Variants in SELENOF observed in about 807,000 individuals in gnomAD.
The protein encoded by SELENOF is 15 kDa selenoprotein.
In SELENOF, 16 loss-of-function variants were observed where a neutral mutation model predicts 20.5. The observed-to-expected ratio is 0.78, with a 90% CI of 0.53 to 1.19. SELENOF has a LOEUF of 1.19. Among genes scored for constraint, SELENOF ranks in the 50% most tolerant of loss-of-function variants. The pLI is 0.00. For synonymous variants in SELENOF, 78 were observed against 74.5 expected, an observed-to-expected ratio of 1.05 and a Z score of -0.24; for missense variants, 215 against 194.2, an observed-to-expected ratio of 1.11 and a Z score of -0.64.
chr1:86,899,409 A>G (rs1300999374), intron 2 of SELENOF, among the ~76,000 whole-genome samples: 18 of 106,760 alleles, frequency 1.7e-4, no homozygotes, highest in African/African-American at 3.8e-4. Flanking sequence ...CTGGCCGGGC[A>G]GGGGGCCGAC....
chr1:86,863,687 C>T lies in SELENOF; in HGVS notation c.367-82G>A, dbSNP rs368044424. On this transcript the variant is annotated intron_variant, in intron 4 of 4. Transcript: ENST00000331835. ...TCATCTAAGACAAAGCAATTCAATC[C>T]AGTTTAAATTTAGTAATTAAAAAAA... The T allele has an allele frequency of 1.5e-5, 19 of 1,260,640 alleles. No homozygotes were observed. The African/African-American group carries it at 2.6e-4, about 17-fold the overall frequency. 78.1% of individuals were successfully genotyped at this position (1,260,640 alleles called of 1,614,324 possible). A position where few individuals can be genotyped will look rare whatever the true frequency, so the allele number is the denominator to read the frequency against.
chr1:86,863,602 CATACTACAAAA>C lies in SELENOF; in HGVS notation c.367-8_369del. 1 of 1,612,256 alleles carries C rather than the reference CATACTACAAAA, an allele frequency of 6.2e-7. No individual in the cohort carries two copies. The highest frequency in any genetic ancestry group is 8.5e-7 in the Non-Finnish European group (1 of 1,179,372). ...TTTAATACAGGGTCTGAACCACGGA[CATACTACAAAA>C]AAGAGGGACGTCATCATTACTTTCT... is the stretch of plus-strand genomic sequence containing the variant. On this transcript the variant is annotated splice_acceptor_variant and splice_polypyrimidine_tract_variant and coding_sequence_variant and intron_variant, in exon 5 of 5. Transcript: ENST00000331835. LOFTEE classifies it high-confidence loss of function.
chr1:86,881,530 T>A (rs959700185), intron 2 of SELENOF, among the ~76,000 whole-genome samples: 1 of 152,234 alleles, frequency 6.6e-6, no homozygotes, highest in South Asian at 2.1e-4. Flanking sequence ...ACGTATCATA[T>A]CCATTTCATT....
At chr1:86,892,205 T>C (rs1049341598) in intron 2 of SELENOF, among the ~76,000 whole-genome samples, 1 of 152,210 alleles carries the variant, frequency 6.6e-6, no homozygotes, top group Non-Finnish European at 1.5e-5. Flanking sequence ...CCCAAAGTGC[T>C]GGGATTACAG....
At chr1:86,894,247 C>T (rs1435368341) in intron 2 of SELENOF, among the ~76,000 whole-genome samples, 1 of 148,864 alleles carries the variant, frequency 6.7e-6, no homozygotes, top group South Asian at 2.2e-4. Flanking sequence ...AAATCTGTTA[C>T]CAGGTGATAG....
intron 3 of SELENOF, among the ~76,000 whole-genome samples, chr1:86,878,286 TTTAAA>T (rs1159061394): frequency 1.3e-5 from 2 of 152,248 alleles, no homozygotes; most frequent in Non-Finnish European, 2.9e-5. Context: ...AAATGGTTAA[TTTAAA>T]TTAAGTGACC....
At chr1:86,905,147 A>G (rs1002545122) in intron 1 of SELENOF, among the ~76,000 whole-genome samples, 4 of 152,194 alleles carry the variant, frequency 2.6e-5, no homozygotes, top group African/African-American at 9.7e-5. Flanking sequence ...CAGATCAGTC[A>G]TCCTACTGAC....
chr1:86,892,618 G>T (rs1214309817), intron 2 of SELENOF, among the ~76,000 whole-genome samples: 1 of 152,180 alleles, frequency 6.6e-6, no homozygotes, highest in African/African-American at 2.4e-5. Flanking sequence ...GCTGACTTAT[G>T]AGTAACTGCA....
intron 2 of SELENOF, among the ~76,000 whole-genome samples, chr1:86,896,823 C>T (rs1570398514): frequency 6.6e-6 from 1 of 152,024 alleles, no homozygotes; most frequent in Non-Finnish European, 1.5e-5. Flanking sequence ...AAATATATTT[C>T]AGGATATAAG....
At chr1:86,888,565 TG>T (rs1022047832) in intron 2 of SELENOF, among the ~76,000 whole-genome samples, 4 of 152,166 alleles carry the variant, frequency 2.6e-5, no homozygotes, top group African/African-American at 9.7e-5. Context: ...TGAGCCACCG[TG>T]CCCTGGCAGA....
intron 3 of SELENOF, among the ~76,000 whole-genome samples, chr1:86,876,573 A>C (rs1244892204): frequency 6.6e-6 from 1 of 152,222 alleles, no homozygotes; most frequent in Non-Finnish European, 1.5e-5. Context: ...ATGGAAGTAA[A>C]AAAATATAAG....
At chr1:86,913,929 C>A in intron 1 of SELENOF, 99 bp downstream of exon 1, 1 of 1,143,818 alleles carries the variant, frequency 8.7e-7, no homozygotes, top group Non-Finnish European at 1.3e-6. Flanking sequence ...GAAGCGCAGT[C>A]CTCCCCACCC....
At chr1:86,887,454 A>C (rs1260651246) in intron 2 of SELENOF, among the ~76,000 whole-genome samples, 2 of 152,312 alleles carry the variant, frequency 1.3e-5, no homozygotes, top group East Asian at 3.9e-4. Flanking sequence ...AAAAGTTATA[A>C]AACAAGCAAG....
chr1:86,862,486 CAA>C lies in SELENOF; in HGVS notation c.*986_*987del, dbSNP rs1314149472. 5.3e-5 allele frequency: 8 copies of C among 152,030 alleles called. No individual in the cohort carries two copies. Among genetic ancestry groups the C allele is most frequent in the Admixed American group, 1.3e-4 (2 of 15,266 alleles). 9.4% of individuals were successfully genotyped at this position (152,030 alleles called of 1,614,324 possible). On this transcript the variant is annotated 3_prime_UTR_variant, in exon 5 of 5. Transcript: ENST00000331835. ...CATTTTTAATATAAAAATTCTATAT[CAA>C]GAGATATTCCTTAAATAATATACCA...
At chr1:86,868,697 T>C (rs1570371586) in intron 3 of SELENOF, among the ~76,000 whole-genome samples, 2 of 151,758 alleles carry the variant, frequency 1.3e-5, no homozygotes. Context: ...TCATGATAAC[T>C]GCTAAAAAGG....
At chr1:86,910,940 GTTT>G in intron 1 of SELENOF, among the ~76,000 whole-genome samples, 1 of 152,082 alleles carries the variant, frequency 6.6e-6, no homozygotes, top group African/African-American at 2.4e-5. Context: ...ATACTTCCAG[GTTT>G]TCAGACCTTT....
intron 2 of SELENOF, among the ~76,000 whole-genome samples, chr1:86,883,976 T>C (rs1319098756): frequency 6.6e-6 from 1 of 152,220 alleles, no homozygotes; most frequent in South Asian, 2.1e-4. Context: ...AAAAAACTTT[T>C]GTTGATTTCC....
In SELENOF at chr1:86,863,458, A is replaced by C. The variant is rs1478523256; in HGVS notation, c.*16T>G. 1.2e-6 allele frequency: 2 copies of C among 1,606,076 alleles called. No homozygotes were observed. Among genetic ancestry groups the C allele is most frequent in the Non-Finnish European group, 1.7e-6 (2 of 1,176,670 alleles). On this transcript the variant is annotated 3_prime_UTR_variant, in exon 5 of 5. Transcript: ENST00000331835. The stretch of plus-strand genomic sequence containing the variant: ...TGATAAGGTAACAAAAGGATAGGAC[A>C]AAATTTAAGCAAGATTTATATGCGT...
intron 4 of SELENOF, among the ~76,000 whole-genome samples, chr1:86,867,019 T>G (rs1034362680): frequency 5.3e-5 from 8 of 152,200 alleles, no homozygotes; most frequent in African/African-American, 1.7e-4. Flanking sequence ...TATATTAGCT[T>G]TACTCAAAAT....
Sources: allele counts gnomAD v4.1 joint callset (sites outside exome capture counted in the v4.1 genomes callset), GRCh38; gene constraint gnomAD v4.1.1; transcripts MANE v1.5; gene names NCBI Gene and HGNC (gene_info 2026-07-23, HGNC 2026-07-21).